The following IGSF21 variants were observed in gnomAD, a reference collection of about 807,000 sequenced individuals.
The protein encoded by IGSF21 is immunoglobin superfamily member 21.
IGSF21 carries 28 observed loss-of-function variants against 46.8 expected under a neutral mutation model. The observed-to-expected ratio is 0.60, with a 90% confidence interval of 0.44 to 0.82. The LOEUF (loss-of-function observed/expected upper bound fraction) is 0.82. Among genes scored for constraint, IGSF21 ranks in the 40% least tolerant of loss-of-function variants. The pLI is 0.00. For synonymous variants in IGSF21, 284 were observed against 273.6 expected (o/e 1.04, Z -0.38); for missense variants, 624 against 665.5 (o/e 0.94, Z 0.69).
At chr1:18,193,216 T>C (rs775612853) in intron 1 of IGSF21, among the ~76,000 whole-genome samples, 8 of 151,852 alleles carry the variant, frequency 5.3e-5, no homozygotes, top group Non-Finnish European at 1.2e-4. Context: ...AAGAGCAGCA[T>C]AGAGGCCCCT....
intron 1 of IGSF21, among the ~76,000 whole-genome samples, chr1:18,153,554 C>T (rs556885960): frequency 6.6e-6 from 1 of 152,210 alleles, no homozygotes; most frequent in Non-Finnish European, 1.5e-5. Context: ...CAGCAGCAGC[C>T]ACGGGGTGGA....
rs758207598 is a variant in IGSF21 at position 18,376,939 on chromosome 1, C to A, written c.1241C>A (p.Thr414Asn). The change falls in exon 8 of 10, where the codon ACC becomes AAC. Residue 414 changes from threonine (T) to asparagine (N), a missense_variant. Transcript: ENST00000251296. The part of the protein sequence containing the change: ...AELNGSMYRC[T>N]AQNPLGSTDT... ...CTCAATGGCTCCATGTATCGCTGCA[C>A]CGCCCAGAACCCACTGGGCTCCACC... The A allele has an allele frequency of 1.9e-6, 3 of 1,606,852 alleles. No individual in the cohort carries two copies. The South Asian group carries it at 3.3e-5, about 18-fold the overall frequency.
chr1:18,344,697 G>A (rs1326247921), intron 4 of IGSF21, among the ~76,000 whole-genome samples: 1 of 152,162 alleles, frequency 6.6e-6, no homozygotes, highest in East Asian at 1.9e-4. Context: ...GGTCAGTGGA[G>A]GGAGGCTGCC....
chr1:18,157,438 C>A (rs1057244310), intron 1 of IGSF21, among the ~76,000 whole-genome samples: 1 of 152,230 alleles, frequency 6.6e-6, no homozygotes. Flanking sequence ...ATAGCCACAC[C>A]ATGGCCCTGT....
intron 6 of IGSF21, among the ~76,000 whole-genome samples, chr1:18,373,045 T>A (rs1279166566): frequency 1.3e-5 from 2 of 152,202 alleles, no homozygotes; most frequent in East Asian, 3.8e-4. Flanking sequence ...AGGATCTTTT[T>A]CATTCCCTGA....
chr1:18,213,021 C>T (rs556953512), intron 1 of IGSF21, among the ~76,000 whole-genome samples: 1 of 152,336 alleles, frequency 6.6e-6, no homozygotes, highest in South Asian at 2.1e-4. Flanking sequence ...TGTTAATTGG[C>T]TCTGTGGCCT....
chr1:18,164,101 G>A (rs4920304), intron 1 of IGSF21, among the ~76,000 whole-genome samples: 58,112 of 151,978 alleles, frequency 0.38, 11,478 homozygotes, highest in East Asian at 0.56. Flanking sequence ...CAGCATACTA[G>A]CTCCATCTGT....
intron 4 of IGSF21, among the ~76,000 whole-genome samples, chr1:18,347,898 A>G (rs2085911657): frequency 6.6e-6 from 1 of 152,192 alleles, no homozygotes; most frequent in African/African-American, 2.4e-5. Flanking sequence ...CCTACTGTGC[A>G]CCTGCTGTGG....
rs760035716 is a variant in IGSF21 at position 18,163,568 on chromosome 1, G to A, written c.70+55370G>A. 1.2e-3 allele frequency among the ~76,000 whole-genome samples: 184 copies of A among 152,276 alleles called. 1 individual carries two copies. Among genetic ancestry groups the A allele is most frequent in the Non-Finnish European group, 2.2e-3 (152 of 68,030 alleles). On this transcript the variant is annotated intron_variant, in intron 1 of 9. Coordinates refer to ENST00000251296, the MANE Select transcript of IGSF21 (RefSeq NM_032880.5). ...TGCACAGCTACATTTCAGGTACATC[G>A]GTCTCGGTTTCCCCAGCAGGAGACA...
intron 4 of IGSF21, among the ~76,000 whole-genome samples, chr1:18,354,415 A>G (rs2085993179): frequency 6.6e-6 from 1 of 152,210 alleles, no homozygotes. Flanking sequence ...AAAAGAAAAA[A>G]AAAAGAAAGA....
intron 4 of IGSF21, among the ~76,000 whole-genome samples, chr1:18,341,355 C>G (rs1319298898): frequency 6.6e-6 from 1 of 152,036 alleles, no homozygotes; most frequent in African/African-American, 2.4e-5. Flanking sequence ...TTGCAAGGAC[C>G]CTATTTCCAA....
chr1:18,267,182 G>C (rs2124541955), intron 2 of IGSF21, among the ~76,000 whole-genome samples: 1 of 152,318 alleles, frequency 6.6e-6, no homozygotes, highest in South Asian at 2.1e-4. Context: ...GCAGGACACT[G>C]ATATAAGCAG....
chr1:18,139,764 G>C (rs1026203376), intron 1 of IGSF21, among the ~76,000 whole-genome samples: 1 of 151,876 alleles, frequency 6.6e-6, no homozygotes, highest in Non-Finnish European at 1.5e-5. Context: ...TGTACTCTCT[G>C]TATTTCTCTC....
intron 3 of IGSF21, among the ~76,000 whole-genome samples, chr1:18,329,215 T>G (rs566536109): frequency 1.3e-5 from 2 of 152,330 alleles, no homozygotes; most frequent in African/African-American, 4.8e-5. Context: ...ACCTACTCAC[T>G]CTATGTAGCA....
chr1:18,170,895 G>C (rs1347795124), intron 1 of IGSF21, among the ~76,000 whole-genome samples: 1 of 152,188 alleles, frequency 6.6e-6, no homozygotes, highest in African/African-American at 2.4e-5. Flanking sequence ...GCACCTTCAG[G>C]AAGGGCTTCA....
chr1:18,375,939 G>A lies in IGSF21; in HGVS notation c.1016-371G>A, dbSNP rs1444440653. 1.8e-5 allele frequency: 4 copies of A among 216,456 alleles called. No homozygotes were observed. In the Admixed American group the frequency reaches 1.9e-4, roughly 10 times the overall value. 13.4% of individuals were successfully genotyped at this position (216,456 alleles called of 1,614,324 possible). A position where few individuals can be genotyped will look rare whatever the true frequency, so the allele number is the denominator to read the frequency against. On this transcript the variant is annotated intron_variant, in intron 6 of 9. Transcript: ENST00000251296. ...AGCAGCCTAGTAGCACGTGCCCCAG[G>A]TACGTTTCCCTCCCTGACCCCACTG...
intron 2 of IGSF21, among the ~76,000 whole-genome samples, chr1:18,257,358 A>G (rs974894196): frequency 6.6e-6 from 1 of 152,190 alleles, no homozygotes; most frequent in Non-Finnish European, 1.5e-5. Context: ...TTAATAGTGG[A>G]GAGAATGCAT....
At chr1:18,187,758 G>A (rs532009655) in intron 1 of IGSF21, among the ~76,000 whole-genome samples, 1 of 152,228 alleles carries the variant, frequency 6.6e-6, no homozygotes, top group South Asian at 2.1e-4. Context: ...TTAGGGATTA[G>A]GGCTAGGGCT....
At chr1:18,153,984 T>A (rs1388896614) in intron 1 of IGSF21, among the ~76,000 whole-genome samples, 2 of 152,146 alleles carry the variant, frequency 1.3e-5, no homozygotes, top group Non-Finnish European at 2.9e-5. Context: ...ACACAGTGAT[T>A]TAATTGTAGG....
Sources: allele counts gnomAD v4.1 joint callset (sites outside exome capture counted in the v4.1 genomes callset), GRCh38; gene constraint gnomAD v4.1.1; transcripts MANE v1.5; gene names NCBI Gene and HGNC (gene_info 2026-07-23, HGNC 2026-07-21).